CACNG5: variants seen among roughly 807,000 people sequenced by gnomAD.
The protein encoded by CACNG5 is calcium voltage-gated channel auxiliary subunit gamma 5.
A neutral mutation model predicts 24.8 loss-of-function variants in CACNG5; 18 were observed. The observed-to-expected ratio is 0.73, with a 90% CI of 0.50 to 1.08. CACNG5 has a LOEUF of 1.08. CACNG5 is among the 50% of genes least tolerant of loss of function. CACNG5 has a pLI of 0.00. For missense variants in CACNG5, 349 were observed against 367.9 expected (o/e 0.95, Z 0.42); for synonymous variants, 157 against 149.1 (o/e 1.05, Z -0.39).
intron 5 of CACNG5, 160 bp from the exon 6 acceptor site, chr17:66,884,823 C>G: frequency 6.2e-7 from 1 of 1,613,332 alleles, no homozygotes. Flanking sequence ...CACTGTCTTA[C>G]CTTTCTGGGT....
rs184442759 is a variant in CACNG5, at chr17:66,865,100, G to A, written c.-103-12130G>A. 2.6e-4 allele frequency among the ~76,000 whole-genome samples: 39 copies of A among 152,062 alleles called. 1 individual carries two copies. Among genetic ancestry groups the A allele is most frequent in the Admixed American group, 9.8e-4 (15 of 15,256 alleles). ...TTTAAGGTTTTCTTTATGTAGCACC[G>A]GCATATAACTTATTAAGTTTATTTC... On this transcript the variant is annotated intron_variant, in intron 1 of 5. Coordinates refer to ENST00000533854, the MANE Select transcript of CACNG5 (RefSeq NM_145811.3).
chr17:66,851,281 T>C (rs1011513416), intron 1 of CACNG5, among the ~76,000 whole-genome samples: 1 of 152,146 alleles, frequency 6.6e-6, no homozygotes, highest in Non-Finnish European at 1.5e-5. Context: ...AGATCCTGGA[T>C]TGATGGAACT....
At chr17:66,876,122 C>T (rs1977074609) in intron 1 of CACNG5, among the ~76,000 whole-genome samples, 1 of 152,234 alleles carries the variant, frequency 6.6e-6, no homozygotes, top group Non-Finnish European at 1.5e-5. Context: ...TTCTAACCAG[C>T]TGCATGGTGA....
At chr17:66,840,427 G>GC (rs1848378094) in intron 1 of CACNG5, among the ~76,000 whole-genome samples, 1 of 152,120 alleles carries the variant, frequency 6.6e-6, no homozygotes, top group Admixed American at 6.6e-5. Flanking sequence ...TGATGATGCT[G>GC]CCCCGGCTTC....
In CACNG5 at chr17:66,886,565, G is replaced by A. The variant is rs1389925824; in HGVS notation, c.*1325G>A. Reference sequence around the variant, plus strand: ...TAGATGTTTTTGGTTTTGAGATTTTGAGTAGCAAAGCAATGCTGTGTGTCG... The same window carrying A: ...TAGATGTTTTTGGTTTTGAGATTTTAAGTAGCAAAGCAATGCTGTGTGTCG... On this transcript the variant is annotated 3_prime_UTR_variant, in exon 6 of 6. Transcript: ENST00000533854. Among the ~76,000 whole-genome samples the A allele has an allele frequency of 6.6e-6, 1 of 152,162 alleles. No homozygotes were observed. Among genetic ancestry groups the A allele is most frequent in the African/African-American group, 2.4e-5 (1 of 41,424 alleles).
At chr17:66,870,350 A>G (rs771127621) in intron 1 of CACNG5, among the ~76,000 whole-genome samples, 15 of 152,208 alleles carry the variant, frequency 9.9e-5, no homozygotes, top group East Asian at 1.9e-4. Flanking sequence ...TGGGCTGTCA[A>G]GCAGAGCACC....
At chr17:66,877,182 G>A in intron 1 of CACNG5, 48 bp from the exon 2 acceptor site, 1 of 634,244 alleles carries the variant, frequency 1.6e-6, no homozygotes, top group Non-Finnish European at 2.7e-6. Context: ...CATTGAGCCA[G>A]GTTGGGGTTT....
intron 1 of CACNG5, among the ~76,000 whole-genome samples, chr17:66,859,557 C>G (rs1052865507): frequency 2.6e-5 from 4 of 152,110 alleles, no homozygotes; most frequent in Non-Finnish European, 4.4e-5. Flanking sequence ...TGGGCAGCAC[C>G]GTGTTTCTCT....
Position 66,877,475 on chromosome 17 carries a change from C to A in CACNG5, c.143C>A (p.Thr48Asn). The A allele has an allele frequency of 6.2e-7, 1 of 1,614,048 alleles. No homozygotes were observed. The highest frequency in any genetic ancestry group is 1.1e-5 in the South Asian group (1 of 91,074). ...GTGATTGTGCCCCAGAACCAGAGCACCGAGATCAAGATGTCCCTGCACTCA... is the reference window on the plus strand; with the variant it reads ...GTGATTGTGCCCCAGAACCAGAGCAACGAGATCAAGATGTCCCTGCACTCA... Reference protein sequence around the residue: ...EGVIVPQNQSTEIKMSLHSGL... With the variant: ...EGVIVPQNQSNEIKMSLHSGL... Residue 48 changes from threonine to asparagine, a missense_variant, in exon 2 of 6, where the codon ACC (threonine) becomes AAC (asparagine). Transcript: ENST00000533854.
chr17:66,883,216 T>A (rs1033494755), intron 4 of CACNG5, among the ~76,000 whole-genome samples: 3 of 152,204 alleles, frequency 2.0e-5, no homozygotes, highest in Non-Finnish European at 4.4e-5. Flanking sequence ...AAGCTTTTTA[T>A]TTTTCCTTCT....
intron 1 of CACNG5, among the ~76,000 whole-genome samples, chr17:66,853,573 A>G (rs1317069151): frequency 1.3e-5 from 2 of 152,230 alleles, no homozygotes; most frequent in South Asian, 2.1e-4. Context: ...TTGTGGTTCA[A>G]CTGAAACTTT....
At chr17:66,840,662 G>A (rs8080630) in intron 1 of CACNG5, among the ~76,000 whole-genome samples, 2,830 of 152,250 alleles carry the variant, frequency 0.019, 83 homozygotes, top group African/African-American at 0.065. Flanking sequence ...GTTGAAAAAC[G>A]AGAAGCAGCT....
At chr17:66,865,796 ATT>A (rs35187215) in intron 1 of CACNG5, among the ~76,000 whole-genome samples, 27 of 129,812 alleles carry the variant, frequency 2.1e-4, no homozygotes, top group South Asian at 5.2e-4. Flanking sequence ...TGCACGGCTA[ATT>A]TTTTTTTTTT....
chr17:66,884,489 A>G (rs748237496), intron 4 of CACNG5, 27 bp from the exon 5 acceptor site: 26 of 1,583,320 alleles, frequency 1.6e-5, no homozygotes, highest in South Asian at 3.5e-5. Context: ...TGGGCTGAGC[A>G]TCCCCTCTCC....
chr17:66,880,830 C>A lies in CACNG5; in HGVS notation c.424+133C>A, dbSNP rs189456190. ...GATCTTGGCTCACTGCAACCTCCAC[C>A]TCCCGGATTCAAGCAATTCTGCCTC... On this transcript the variant is annotated intron_variant, in intron 4 of 5. Transcript: ENST00000533854. 6.6e-4 allele frequency: 613 copies of A among 922,106 alleles called. 3 individuals are homozygous for A. The African/African-American group carries it at 9.2e-3, about 14-fold the overall frequency. The allele number at this position is 922,106 out of a possible 1,614,324, so 57.1% of individuals were successfully genotyped here. A position where few individuals can be genotyped will look rare whatever the true frequency, so the allele number is the denominator to read the frequency against.
chr17:66,839,568 G>A (rs1219856338), intron 1 of CACNG5, among the ~76,000 whole-genome samples: 1 of 151,910 alleles, frequency 6.6e-6, no homozygotes, highest in Non-Finnish European at 1.5e-5. Context: ...CACTGCACAG[G>A]TGACATTTAT....
chr17:66,872,775 T>C (rs1774447466), intron 1 of CACNG5, among the ~76,000 whole-genome samples: 1 of 152,250 alleles, frequency 6.6e-6, no homozygotes, highest in Middle Eastern at 3.4e-3. Context: ...TGGGTCAGAG[T>C]GCACCTCCAA....
At chr17:66,879,574 A>G (rs1977130141) in intron 3 of CACNG5, among the ~76,000 whole-genome samples, 1 of 152,148 alleles carries the variant, frequency 6.6e-6, no homozygotes, top group Admixed American at 6.5e-5. Context: ...TGACTCACAG[A>G]ACTCGGGCAA....
At chr17:66,878,016 C>G (rs961005767) in intron 2 of CACNG5, among the ~76,000 whole-genome samples, 3 of 152,216 alleles carry the variant, frequency 2.0e-5, no homozygotes, top group Non-Finnish European at 4.4e-5. Flanking sequence ...AAATACTTGG[C>G]AGTTTCTCTG....
Sources: gnomAD v4.1 joint callset for allele counts (sites outside exome capture counted in the v4.1 genomes callset) on GRCh38, gnomAD v4.1.1 for gene constraint, MANE v1.5 for transcripts, NCBI Gene and HGNC (gene_info 2026-07-23, HGNC 2026-07-21) for gene names.